The following CARMIL1 variants were observed in gnomAD, a reference collection of about 807,000 sequenced individuals.
CARMIL1 encodes the protein F-actin-uncapping protein LRRC16A.
CARMIL1 carries 90 observed loss-of-function variants against 177.1 expected under a neutral mutation model. The ratio of observed to expected loss-of-function variants is 0.51; its 90% CI spans 0.43 to 0.61. CARMIL1 has a LOEUF of 0.61. Ranked by LOEUF, CARMIL1 falls within the 20% of genes least tolerant of loss-of-function variation. The pLI is 0.00. For missense variants in CARMIL1, 1,380 were observed against 1,667.0 expected (o/e 0.83, Z 3.00); for synonymous variants, 577 against 606.2 (o/e 0.95, Z 0.71).
chr6:25,619,464 G>A lies in CARMIL1; in HGVS notation c.3997G>A (p.Gly1333Ser). 6.2e-7 allele frequency: 1 copy of A among 1,611,942 alleles called. No individual in the cohort carries two copies. The highest frequency in any genetic ancestry group is 8.5e-7 in the Non-Finnish European group (1 of 1,179,174). The change falls in exon 37 of 37, where the codon GGC becomes AGC. Residue 1333 changes from glycine (G) to serine (S), a missense_variant. Physicochemically the swap from Gly to Ser is moderately conservative, Grantham distance 56 (BLOSUM62 0). Coordinates refer to ENST00000329474, the MANE Select transcript of CARMIL1 (RefSeq NM_017640.6). ...FSQEVSRRSW[G>S]QQAQEYQEQK... ...TATTTCAGTTTCAAGGAGAAGCTGG[G>A]GCCAGCAGGCCCAGGAGTATCAAGA...
At chr6:25,447,228 C>T (rs1016183502) in intron 5 of CARMIL1, among the ~76,000 whole-genome samples, 3 of 152,106 alleles carry the variant, frequency 2.0e-5, no homozygotes, top group Admixed American at 6.5e-5. Flanking sequence ...TGAGGTATGT[C>T]GGAACCTGAT....
At position 25,466,853 on chromosome 6, in the gene CARMIL1, G is replaced by A. The variant is rs373871962; in HGVS notation, c.690+905G>A. On this transcript the variant is annotated intron_variant, in intron 9 of 36. Transcript: ENST00000329474. ...TTGGGGTCCCTTAAGAGCCAATATG[G>A]TAGAGGAAAATGCATGAACTTGGAA... Among the ~76,000 whole-genome samples, 99 of 152,268 alleles carry A rather than the reference G, an allele frequency of 6.5e-4. 3 individuals are homozygous for A. The South Asian group carries it at 0.019, about 29-fold the overall frequency.
chr6:25,355,069 C>T (rs1343422981), intron 2 of CARMIL1, among the ~76,000 whole-genome samples: 1 of 152,180 alleles, frequency 6.6e-6, no homozygotes, highest in Non-Finnish European at 1.5e-5. Context: ...CCTTGGGTAG[C>T]TCTTTAGAGC....
chr6:25,448,676 G>A (rs1798472800), intron 5 of CARMIL1, among the ~76,000 whole-genome samples: 1 of 152,160 alleles, frequency 6.6e-6, no homozygotes, highest in South Asian at 2.1e-4. Flanking sequence ...CTAGTGCCTG[G>A]TTATTCGTCT....
At chr6:25,452,123 T>C in intron 8 of CARMIL1, 1 of 764,532 alleles carries the variant, frequency 1.3e-6, no homozygotes, top group East Asian at 2.4e-5. Flanking sequence ...TAGCTGGATA[T>C]ACCTCCTCTT....
At chr6:25,364,409 A>G (rs1789549308) in intron 2 of CARMIL1, among the ~76,000 whole-genome samples, 1 of 152,168 alleles carries the variant, frequency 6.6e-6, no homozygotes. Flanking sequence ...AACCATAGCC[A>G]ACTCTCTCCT....
chr6:25,489,089 C>T (rs1434302074), intron 13 of CARMIL1, among the ~76,000 whole-genome samples: 1 of 152,096 alleles, frequency 6.6e-6, no homozygotes, highest in Non-Finnish European at 1.5e-5. Context: ...TGCTTGAACC[C>T]TGGAGGCGGA....
intron 20 of CARMIL1, 35 bp downstream of exon 20, chr6:25,510,797 CTGTT>C: frequency 8.0e-7 from 1 of 1,257,360 alleles, no homozygotes. Flanking sequence ...CTAAAATCTT[CTGTT>C]TGTTGCCATT....
chr6:25,509,920 GTCTTACTAAGTT>G lies in CARMIL1; in HGVS notation c.1477+184_1477+195del, dbSNP rs1274652086. Among the ~76,000 whole-genome samples the G allele has an allele frequency of 6.6e-6, 1 of 152,126 alleles. No individual in the cohort carries two copies. Among genetic ancestry groups the G allele is most frequent in the Non-Finnish European group, 1.5e-5 (1 of 68,002 alleles). On this transcript the variant is annotated intron_variant, in intron 18 of 36. Transcript: ENST00000329474. This position sits in a 1 kb window ranked among gnomAD's most constrained non-coding sequence, Gnocchi z 4.1. Reference sequence around the variant, plus strand: ...ATTTGTAGAATAGATCTGTGCCAGAGTCTTACTAAGTTGACTCTGTGGCCAACTATGCAAAGT... The same window carrying G: ...ATTTGTAGAATAGATCTGTGCCAGAGGACTCTGTGGCCAACTATGCAAAGT...
At chr6:25,358,913 A>G (rs1434808594) in intron 2 of CARMIL1, among the ~76,000 whole-genome samples, 1 of 152,236 alleles carries the variant, frequency 6.6e-6, no homozygotes, top group African/African-American at 2.4e-5. Context: ...CACTGTAGAA[A>G]TATCTTACTA....
At chr6:25,460,407 T>C (rs1800021841) in intron 8 of CARMIL1, among the ~76,000 whole-genome samples, 1 of 152,204 alleles carries the variant, frequency 6.6e-6, no homozygotes, top group Non-Finnish European at 1.5e-5. Flanking sequence ...ATATGCAAAC[T>C]TGTTTGTCCC....
chr6:25,431,463 A>C (rs1796780403), intron 4 of CARMIL1, among the ~76,000 whole-genome samples: 1 of 151,950 alleles, frequency 6.6e-6, no homozygotes, highest in Non-Finnish European at 1.5e-5. Context: ...AAATCGCAGC[A>C]ACATATGTTT....
intron 2 of CARMIL1, among the ~76,000 whole-genome samples, chr6:25,285,570 A>G (rs1561934794): frequency 6.6e-6 from 1 of 152,162 alleles, no homozygotes; most frequent in Non-Finnish European, 1.5e-5. Context: ...ATTTTGTGAT[A>G]TTTTAATGGT....
intron 29 of CARMIL1, among the ~76,000 whole-genome samples, chr6:25,571,893 GAGGATGTGC>G (rs1412477040): frequency 6.6e-6 from 1 of 152,188 alleles, no homozygotes; most frequent in Non-Finnish European, 1.5e-5. Flanking sequence ...AGTGGGGAGG[GAGGATGTGC>G]TAGGTGAAAG....
At chr6:25,285,542 C>A (rs1781457071) in intron 2 of CARMIL1, among the ~76,000 whole-genome samples, 1 of 152,050 alleles carries the variant, frequency 6.6e-6, no homozygotes, top group Non-Finnish European at 1.5e-5. Flanking sequence ...AGAGTTGTAC[C>A]TTTAGAGAGG....
chr6:25,376,491 T>C (rs1265351142), intron 2 of CARMIL1, among the ~76,000 whole-genome samples: 1 of 152,210 alleles, frequency 6.6e-6, no homozygotes, highest in African/African-American at 2.4e-5. Context: ...GATGTGACTT[T>C]ATCGTTTATT....
intron 23 of CARMIL1, chr6:25,527,731 T>C (rs1244325419): frequency 2.7e-5 from 12 of 437,292 alleles, no homozygotes; most frequent in South Asian, 2.0e-4. Context: ...AATGGAAAGG[T>C]ACATTTTGTT....
intron 5 of CARMIL1, among the ~76,000 whole-genome samples, chr6:25,441,337 A>ATG (rs1554196401): frequency 0.017 from 1,636 of 94,490 alleles, 60 homozygotes; most frequent in African/African-American, 0.055. Flanking sequence ...ATATATATAT[A>ATG]TGTGTGTGTG....
chr6:25,408,228 C>T (rs1432068219), intron 2 of CARMIL1, among the ~76,000 whole-genome samples: 1 of 147,408 alleles, frequency 6.8e-6, no homozygotes, highest in Non-Finnish European at 1.5e-5. Flanking sequence ...GTCAAGGCTG[C>T]AGTGAGCCGA....
Sources: allele counts gnomAD v4.1 joint callset (sites outside exome capture counted in the v4.1 genomes callset), GRCh38; gene constraint gnomAD v4.1.1; non-coding constraint Gnocchi (gnomAD v3.1); transcripts MANE v1.5; gene names NCBI Gene and HGNC (gene_info 2026-07-23, HGNC 2026-07-21).